The following ULK4 variants were observed in gnomAD, a reference collection of about 807,000 sequenced individuals.
ULK4 encodes the protein unc-51 like kinase 4, also known as inactive serine/threonine-protein kinase ULK4.
In ULK4, 133 loss-of-function variants were observed where a neutral mutation model predicts 160.6. The observed-to-expected ratio is 0.83, with a 90% confidence interval of 0.72 to 0.96. The LOEUF (loss-of-function observed/expected upper bound fraction) is 0.96. ULK4 is among the 40% of genes least tolerant of loss of function. The pLI, the probability that ULK4 is intolerant of heterozygous loss-of-function variation, is 0.00. For missense variants in ULK4, 1,580 were observed against 1,499.5 expected (o/e 1.05, Z -0.89); for synonymous variants, 534 against 539.8 (o/e 0.99, Z 0.15).
chr3:41,739,773 G>T (rs1389974320), intron 22 of ULK4, among the ~76,000 whole-genome samples: 1 of 151,882 alleles, frequency 6.6e-6, no homozygotes, highest in Non-Finnish European at 1.5e-5. Flanking sequence ...TGCTCAATGG[G>T]CCTGTGTACC....
At chr3:41,819,619 C>G (rs1239846312) in intron 18 of ULK4, 113 bp from the exon 19 acceptor site, 1 of 830,966 alleles carries the variant, frequency 1.2e-6, no homozygotes, top group Non-Finnish European at 1.9e-6. Context: ...ACTTAATAGT[C>G]TATTTAAAGT....
At chr3:41,646,748 A>G (rs2034511625) in intron 30 of ULK4, among the ~76,000 whole-genome samples, 1 of 152,180 alleles carries the variant, frequency 6.6e-6, no homozygotes. Flanking sequence ...CTGCCTTGCT[A>G]GATTAGGGAA....
intron 35 of ULK4, among the ~76,000 whole-genome samples, chr3:41,258,080 T>C (rs775357593): frequency 1.3e-5 from 2 of 152,150 alleles, no homozygotes; most frequent in African/African-American, 2.4e-5. Context: ...CAGAGTTGAG[T>C]GTCCTCTTAG....
intron 33 of ULK4, among the ~76,000 whole-genome samples, chr3:41,455,868 G>C (rs1433278786): frequency 2.0e-5 from 3 of 152,158 alleles, no homozygotes; most frequent in Non-Finnish European, 4.4e-5. Context: ...GCTAATGGAG[G>C]AATAATGGTG....
At chr3:41,901,745 G>A (rs1698374222) in intron 12 of ULK4, among the ~76,000 whole-genome samples, 1 of 152,004 alleles carries the variant, frequency 6.6e-6, no homozygotes, top group South Asian at 2.1e-4. Context: ...CTCCCAAAGT[G>A]CTGGGATTAT....
intron 22 of ULK4, among the ~76,000 whole-genome samples, chr3:41,736,770 G>T (rs1175073227): frequency 5.9e-5 from 9 of 151,448 alleles, no homozygotes; most frequent in African/African-American, 2.2e-4. Flanking sequence ...CCTTGCCCAT[G>T]CCTATGTCCT....
At chr3:41,647,632 T>C (rs9843161) in intron 30 of ULK4, among the ~76,000 whole-genome samples, 6,421 of 152,250 alleles carry the variant, frequency 0.042, 297 homozygotes, top group African/African-American at 0.11. Context: ...TTAGGCTGCT[T>C]GGGGGTCAGG....
chr3:41,604,614 T>C (rs1392279497), intron 31 of ULK4, among the ~76,000 whole-genome samples: 1 of 152,090 alleles, frequency 6.6e-6, no homozygotes, highest in African/African-American at 2.4e-5. Flanking sequence ...AGGCAGCATA[T>C]ATGAAGTTTT....
At chr3:41,934,037 CAAA>C (rs1041913740) in intron 4 of ULK4, among the ~76,000 whole-genome samples, 89 of 151,790 alleles carry the variant, frequency 5.9e-4, no homozygotes, top group African/African-American at 2.0e-3. Context: ...AACTGTGTCT[CAAA>C]AAAAATAATA....
chr3:41,721,644 G>GCGTGAGC (rs1487254948), intron 22 of ULK4, among the ~76,000 whole-genome samples: 2 of 151,794 alleles, frequency 1.3e-5, no homozygotes, highest in Non-Finnish European at 2.9e-5. Flanking sequence ...GGGATTACAG[G>GCGTGAGC]CGTGAGCCAC....
chr3:41,484,622 T>G (rs958356740), intron 32 of ULK4, among the ~76,000 whole-genome samples: 4 of 151,930 alleles, frequency 2.6e-5, no homozygotes, highest in Non-Finnish European at 5.9e-5. Context: ...CCGGCTAATT[T>G]TTTGTATTTT....
intron 2 of ULK4, among the ~76,000 whole-genome samples, chr3:41,954,227 G>GT (rs1490149586): frequency 2.6e-5 from 4 of 151,240 alleles, no homozygotes; most frequent in Non-Finnish European, 5.9e-5. Context: ...AGGCGTGGTG[G>GT]TATGTGCCTG....
intron 30 of ULK4, among the ~76,000 whole-genome samples, chr3:41,624,061 T>C (rs2033377295): frequency 6.6e-6 from 1 of 152,200 alleles, no homozygotes; most frequent in South Asian, 2.1e-4. Flanking sequence ...AAATGTTAAG[T>C]TCATTTATAT....
intron 35 of ULK4, among the ~76,000 whole-genome samples, chr3:41,293,346 TGA>T (rs2079609153): frequency 6.6e-6 from 1 of 151,924 alleles, no homozygotes; most frequent in South Asian, 2.1e-4. Flanking sequence ...CTCAGGAGAA[TGA>T]GATTAAAATC....
intron 31 of ULK4, 86 bp downstream of exon 31, chr3:41,615,583 G>C (rs968857619): frequency 7.4e-7 from 1 of 1,344,118 alleles, no homozygotes; most frequent in Non-Finnish European, 1.0e-6. Flanking sequence ...CAGAGGCAGG[G>C]TTAGCAACAC....
At chr3:41,525,362 T>A (rs1449451614) in intron 32 of ULK4, among the ~76,000 whole-genome samples, 1 of 152,214 alleles carries the variant, frequency 6.6e-6, no homozygotes, top group Non-Finnish European at 1.5e-5. Context: ...AAAAAAATAT[T>A]TTGATGCACA....
Position 41,619,226 on chromosome 3 carries a change from A to C in ULK4, c.3072-3509T>G, listed in dbSNP as rs564676026. On this transcript the variant is annotated intron_variant, in intron 30 of 36. Coordinates refer to ENST00000301831, the MANE Select transcript of ULK4 (RefSeq NM_017886.4). Reference sequence around the variant, plus strand: ...TCAATATTAGACCAACGAGACAAAAAATTAACAAGGATATTCAGGACTTGA... The same window carrying C: ...TCAATATTAGACCAACGAGACAAAACATTAACAAGGATATTCAGGACTTGA... 1.4e-4 allele frequency among the ~76,000 whole-genome samples: 21 copies of C among 152,218 alleles called. No individual in the cohort carries two copies. The East Asian group carries it at 4.1e-3, about 29-fold the overall frequency.
intron 35 of ULK4, among the ~76,000 whole-genome samples, chr3:41,276,449 C>T (rs1317051013): frequency 3.9e-5 from 6 of 152,182 alleles, no homozygotes; most frequent in Non-Finnish European, 8.8e-5. Flanking sequence ...CCAGCCCTTG[C>T]ACCCTTCACG....
At chr3:41,819,971 A>G (rs17063584) in intron 18 of ULK4, among the ~76,000 whole-genome samples, 38,698 of 152,034 alleles carry the variant, frequency 0.25, 6,099 homozygotes, top group African/African-American at 0.45. Flanking sequence ...AAGACAAGGA[A>G]CTAAATAAAA....
Sources: gnomAD v4.1 joint callset for allele counts (sites outside exome capture counted in the v4.1 genomes callset) on GRCh38, gnomAD v4.1.1 for gene constraint, MANE v1.5 for transcripts, NCBI Gene and HGNC (gene_info 2026-07-23, HGNC 2026-07-21) for gene names.